APBB2: variants seen among roughly 807,000 people sequenced by gnomAD.
The protein encoded by APBB2 is amyloid beta precursor protein binding family B member 2, also known as Fe65-like 1.
A neutral mutation model predicts 82.5 loss-of-function variants in APBB2; 38 were observed. That is an observed-to-expected ratio of 0.46 (90% CI 0.36 to 0.60). APBB2 has a LOEUF of 0.60. Ranked by LOEUF, APBB2 falls within the 20% of genes least tolerant of loss-of-function variation. The pLI, the probability that APBB2 is intolerant of heterozygous loss-of-function variation, is 0.00. For synonymous variants in APBB2, 341 were observed against 368.2 expected (o/e 0.93, Z 0.85); for missense variants, 772 against 972.3 (o/e 0.79, Z 2.74).
chr4:41,095,690 TC>T (rs1172278036), intron 3 of APBB2, among the ~76,000 whole-genome samples: 1 of 152,094 alleles, frequency 6.6e-6, no homozygotes, highest in Non-Finnish European at 1.5e-5. Flanking sequence ...TGGTTCTAAG[TC>T]CTCCCATCTG....
chr4:41,088,560 AGACTTG>A (rs1740644367), intron 3 of APBB2, among the ~76,000 whole-genome samples: 1 of 152,238 alleles, frequency 6.6e-6, no homozygotes, highest in African/African-American at 2.4e-5. Flanking sequence ...TAGCAAGGAA[AGACTTG>A]GGAGAAGGAA....
chr4:40,968,624 T>A (rs559469841), intron 6 of APBB2, among the ~76,000 whole-genome samples: 35 of 152,294 alleles, frequency 2.3e-4, no homozygotes, highest in South Asian at 4.1e-4. Flanking sequence ...AGTATCCAAA[T>A]GGACACTCAC....
intron 2 of APBB2, among the ~76,000 whole-genome samples, chr4:41,116,369 C>A (rs1029549880): frequency 1.3e-5 from 2 of 152,024 alleles, no homozygotes; most frequent in Non-Finnish European, 2.9e-5. Flanking sequence ...ATGTATATGG[C>A]GGGTTGATGG....
At chr4:41,161,904 T>C (rs1260054874) in intron 1 of APBB2, among the ~76,000 whole-genome samples, 1 of 152,152 alleles carries the variant, frequency 6.6e-6, no homozygotes, top group Non-Finnish European at 1.5e-5. Context: ...AAAGAATGAA[T>C]GAACCCCCAT....
At chr4:41,059,829 T>A (rs190079379) in intron 4 of APBB2, among the ~76,000 whole-genome samples, 2 of 145,942 alleles carry the variant, frequency 1.4e-5, no homozygotes, top group African/African-American at 2.5e-5. Context: ...CACACCTCTA[T>A]ATTTCTGTGT....
chr4:41,015,608 C>G (rs1809681496), intron 5 of APBB2, among the ~76,000 whole-genome samples: 1 of 152,200 alleles, frequency 6.6e-6, no homozygotes, highest in Non-Finnish European at 1.5e-5. Flanking sequence ...GTTGCTCATT[C>G]TAGAGTCCCT....
chr4:40,911,813 A>T (rs56373640), intron 10 of APBB2, among the ~76,000 whole-genome samples: 2,696 of 152,312 alleles, frequency 0.018, 33 homozygotes, highest in Non-Finnish European at 0.03. Context: ...CCGAGCCTCC[A>T]TGCAGAGCTT....
At chr4:41,168,325 T>C (rs1767271549) in intron 1 of APBB2, among the ~76,000 whole-genome samples, 1 of 151,960 alleles carries the variant, frequency 6.6e-6, no homozygotes, top group African/African-American at 2.4e-5. Context: ...TGACAGCAAT[T>C]TGACAGAATA....
At chr4:41,182,003 A>C (rs1048329965) in intron 1 of APBB2, among the ~76,000 whole-genome samples, 1 of 152,036 alleles carries the variant, frequency 6.6e-6, no homozygotes, top group Non-Finnish European at 1.5e-5. Flanking sequence ...ATACTTTGGC[A>C]TGAAGCCATC....
At chr4:40,955,319 CTG>C (rs1165360487) in intron 6 of APBB2, among the ~76,000 whole-genome samples, 1 of 152,200 alleles carries the variant, frequency 6.6e-6, no homozygotes, top group Non-Finnish European at 1.5e-5. Flanking sequence ...TGGAAAAAGA[CTG>C]TATGTCATTA....
intron 2 of APBB2, among the ~76,000 whole-genome samples, chr4:41,130,214 G>A (rs140392502): frequency 2.0e-5 from 3 of 152,262 alleles, no homozygotes; most frequent in East Asian, 1.9e-4. Flanking sequence ...AATTGAGAAC[G>A]AGAAGGAAAA....
chr4:41,046,414 G>A (rs1465005350), intron 4 of APBB2, among the ~76,000 whole-genome samples: 2 of 152,226 alleles, frequency 1.3e-5, no homozygotes, highest in African/African-American at 4.8e-5. Context: ...AATCTACACT[G>A]CAAGGTATCT....
chr4:40,850,264 C>G (rs569161823), intron 12 of APBB2, among the ~76,000 whole-genome samples: 24 of 152,306 alleles, frequency 1.6e-4, no homozygotes, highest in Admixed American at 1.3e-3. Context: ...GTGGGGACCA[C>G]TGTGCCCGGC....
At chr4:40,854,791 A>C (rs1424635756) in intron 12 of APBB2, among the ~76,000 whole-genome samples, 1 of 8,648 alleles carries the variant, frequency 1.2e-4, no homozygotes, top group Non-Finnish European at 3.0e-4. Context: ...GTCCATCTCC[A>C]AAAAAAAAAA....
chr4:41,214,194 C>A (rs895575487), intron 1 of APBB2, among the ~76,000 whole-genome samples: 2 of 152,162 alleles, frequency 1.3e-5, no homozygotes, highest in African/African-American at 4.8e-5. Flanking sequence ...GCAGGCGCCC[C>A]GCTGCAGATG....
At chr4:41,177,531 G>A (rs189400610) in intron 1 of APBB2, 8 of 152,160 alleles carry the variant, frequency 5.3e-5, no homozygotes, top group Admixed American at 5.2e-4. Flanking sequence ...TGAAACAAAG[G>A]GATTCACAGT....
intron 3 of APBB2, among the ~76,000 whole-genome samples, chr4:41,096,328 C>T (rs969819058): frequency 2.0e-5 from 3 of 152,164 alleles, no homozygotes; most frequent in Non-Finnish European, 4.4e-5. Flanking sequence ...AGTTACTTTT[C>T]CCCCGAGTTT....
At chr4:40,935,258 G>C (rs1220731665) in intron 7 of APBB2, 119 bp from the exon 8 acceptor site, 2 of 737,970 alleles carry the variant, frequency 2.7e-6, no homozygotes, top group Non-Finnish European at 4.3e-6. Flanking sequence ...AGATGGGTTA[G>C]GGAACAAGTT....
intron 3 of APBB2, among the ~76,000 whole-genome samples, chr4:41,095,977 C>T (rs1237462528): frequency 7.9e-5 from 12 of 152,286 alleles, no homozygotes; most frequent in Admixed American, 7.2e-4. Context: ...CGCTCCATAC[C>T]CCAGCCACGG....
Sources: allele counts gnomAD v4.1 joint callset (sites outside exome capture counted in the v4.1 genomes callset), GRCh38; gene constraint gnomAD v4.1.1; transcripts MANE v1.5; gene names NCBI Gene and HGNC (gene_info 2026-07-23, HGNC 2026-07-21).